STARD9: variants seen among roughly 807,000 people sequenced by gnomAD.
STARD9 encodes the protein stAR-related lipid transfer protein 9.
In STARD9, 346 loss-of-function variants were observed where a neutral mutation model predicts 399.8. That is an observed-to-expected ratio of 0.87 (90% CI 0.79 to 0.95). STARD9 has a LOEUF of 0.95. STARD9 is among the 40% of genes least tolerant of loss of function. STARD9 has a pLI of 0.00. For missense variants in STARD9, 5,832 were observed against 5,667.5 expected, an observed-to-expected ratio of 1.03 and a Z score of -0.93; for synonymous variants, 2,203 against 2,143.5, an observed-to-expected ratio of 1.03 and a Z score of -0.77.
At chr15:42,710,219 C>G (rs2061182966) in intron 26 of STARD9, among the ~76,000 whole-genome samples, 1 of 150,434 alleles carries the variant, frequency 6.6e-6, no homozygotes, top group Non-Finnish European at 1.5e-5. Flanking sequence ...ACCACCATGC[C>G]CGGGTACTTT....
intron 3 of STARD9, among the ~76,000 whole-genome samples, chr15:42,630,510 T>C (rs2059312484): frequency 1.3e-5 from 2 of 152,250 alleles, no homozygotes; most frequent in Middle Eastern, 3.4e-3. Flanking sequence ...TTAGTAGGAT[T>C]GGTATTAGTT....
intron 3 of STARD9, among the ~76,000 whole-genome samples, chr15:42,615,388 T>G (rs925147807): frequency 6.6e-5 from 10 of 152,166 alleles, no homozygotes; most frequent in African/African-American, 2.2e-4. Context: ...AATAGTTGAA[T>G]CAGTTTTGGT....
At position 42,687,454 on chromosome 15, in the gene STARD9, C is replaced by T. The variant is rs867228528; in HGVS notation, c.5876C>T (p.Pro1959Leu). 1 of 1,537,138 alleles carries T rather than the reference C, an allele frequency of 6.5e-7. No individual in the cohort carries two copies. The highest frequency in any genetic ancestry group is 2.0e-5 in the Admixed American group (1 of 50,996). Residue 1959 changes from proline to leucine, a missense_variant, in exon 23 of 33, where the codon CCA becomes CTA. Pro to Leu is a moderately conservative substitution (Grantham distance 98, BLOSUM62 -3). Coordinates refer to ENST00000290607, the MANE Select transcript of STARD9 (RefSeq NM_020759.3). Reference sequence around the variant, plus strand: ...TCAGTAGATCGTAGAGTAAGCAGCCCAGTGATGGTGGCCCAGGGTGGTGGC... The same window carrying T: ...TCAGTAGATCGTAGAGTAAGCAGCCTAGTGATGGTGGCCCAGGGTGGTGGC... The part of the protein sequence containing the change: ...SRSVDRRVSS[P>L]VMVAQGGGPT...
intron 3 of STARD9, among the ~76,000 whole-genome samples, chr15:42,633,668 G>A (rs988957594): frequency 6.1e-5 from 9 of 148,274 alleles, no homozygotes; most frequent in African/African-American, 2.2e-4. Flanking sequence ...TTTTGAGATG[G>A]AGTCTCACTC....
At position 42,684,227 on chromosome 15, in the gene STARD9, C is replaced by T; in HGVS notation, c.2649C>T (p.Tyr883=). Residue 883 remains tyrosine, a synonymous_variant, in exon 23 of 33, where the codon TAC becomes TAT. Transcript: ENST00000290607. ...AGCATTTGCCACAGGCTGCTTCCTA[C>T]CCTGCAAGGACAGGGTGCCTCCGCA... ...SEEHLPQAAS[Y]PARTGCLRKN... is the part of the protein sequence containing the mutation. 6.5e-7 allele frequency: 1 copy of T among 1,537,290 alleles called. No homozygotes were observed. The highest frequency in any genetic ancestry group is 8.7e-7 in the Non-Finnish European group (1 of 1,146,910).
chr15:42,718,272 G>A, intron 30 of STARD9, 93 bp downstream of exon 30: 1 of 1,324,696 alleles, frequency 7.5e-7, no homozygotes, highest in Non-Finnish European at 1.0e-6. Context: ...GTTGGAGGCA[G>A]CCCTCTTTGG....
Position 42,682,378 on chromosome 15 carries a change from G to T in STARD9, c.2340G>T (p.Arg780Ser). 1 of 1,537,238 alleles carries T rather than the reference G, an allele frequency of 6.5e-7. No homozygotes were observed. The highest frequency in any genetic ancestry group is 1.4e-5 in the African/African-American group (1 of 73,156). The change falls in exon 22 of 33, where the codon AGG becomes AGT. Residue 780 changes from arginine to serine, a missense_variant. By Grantham distance (110) the Arg-to-Ser change is moderately radical. Coordinates refer to ENST00000290607, the MANE Select transcript of STARD9 (RefSeq NM_020759.3). Reference sequence around the variant, plus strand: ...TAGAGAGAATCATCAAAAAGCAGAGGCTGCTGGAGGCCCAGAAGAGACTGG... The same window carrying T: ...TAGAGAGAATCATCAAAAAGCAGAGTCTGCTGGAGGCCCAGAAGAGACTGG... ...FQLERIIKKQ[R>S]LLEAQKRLEK... is the part of the protein sequence containing the mutation.
intron 3 of STARD9, among the ~76,000 whole-genome samples, chr15:42,623,712 G>A (rs1189553172): frequency 6.6e-6 from 1 of 151,990 alleles, no homozygotes; most frequent in African/African-American, 2.4e-5. Context: ...TTGTTCTTTG[G>A]GAACTGTTTA....
rs369566419 is a variant in STARD9, at chr15:42,638,773, C to A, written c.520C>A (p.Arg174=). ...QSGQKKSYTL[R]VREHPEMGPY... The stretch of plus-strand genomic sequence containing the variant: ...TGGTCAAAAAAAGTCCTATACCCTG[C>A]GGGTCAGGGAGCATCCAGAGATGGG... The change falls in exon 7 of 33, where the codon CGG becomes AGG. Residue 174 remains arginine, a synonymous_variant. Coordinates refer to ENST00000290607, the MANE Select transcript of STARD9 (RefSeq NM_020759.3). 5 of 1,535,714 alleles carry A rather than the reference C, an allele frequency of 3.3e-6. No homozygotes were observed. The highest frequency in any genetic ancestry group is 2.6e-6 in the Non-Finnish European group (3 of 1,145,876).
rs539540538 is a variant in STARD9 at position 42,616,711 on chromosome 15, G to A, written c.235-18145G>A. On this transcript the variant is annotated intron_variant, in intron 3 of 32. Transcript: ENST00000290607. ...TCGAGACCATCCTGGCTAACACGGT[G>A]AAACCCCATCTCTACTAAAAATACA... Among the ~76,000 whole-genome samples the A allele has an allele frequency of 3.9e-5, 6 of 152,048 alleles. No individual in the cohort carries two copies. In the East Asian group the frequency reaches 9.7e-4, roughly 25 times the overall value.
In STARD9 at chr15:42,687,195, G is replaced by T. The variant is rs1750221947; in HGVS notation, c.5617G>T (p.Val1873Leu). The change falls in exon 23 of 33, where the codon GTA becomes TTA. Residue 1873 changes from valine (V) to leucine (L), a missense_variant. Around this residue, in one of 2 missense-constraint regions of STARD9, gnomAD observed 5,828 missense variants for 5,651.1 expected, o/e 1.03. Transcript: ENST00000290607. ...TKVCEFENQV[V>L]ILNKKHSFPA... ...AGTATGTGAATTTGAAAACCAAGTT[G>T]TAATTTTAAATAAAAAACACAGTTT... 2 of 1,537,290 alleles carry T rather than the reference G, an allele frequency of 1.3e-6. No homozygotes were observed. Among genetic ancestry groups the T allele is most frequent in the African/African-American group, 1.4e-5 (1 of 73,044 alleles).
At chr15:42,614,342 A>C (rs943361308) in intron 3 of STARD9, among the ~76,000 whole-genome samples, 2 of 152,062 alleles carry the variant, frequency 1.3e-5, no homozygotes, top group Non-Finnish European at 2.9e-5. Flanking sequence ...TTTTAAGTGG[A>C]CAAGAAAAAG....
chr15:42,692,351 G>A lies in STARD9; in HGVS notation c.10773G>A (p.Arg3591=). The A allele has an allele frequency of 1.3e-6, 2 of 1,536,990 alleles. No individual in the cohort carries two copies. The highest frequency in any genetic ancestry group is 1.7e-6 in the Non-Finnish European group (2 of 1,146,888). ...GTCATGACAGAAGGCCTCAGTTCAG[G>A]GGCCCTTCTGGTGAAGCAGACTGTC... ...TSGHDRRPQF[R]GPSGEADCLR... Residue 3591 remains arginine (R), a synonymous_variant, in exon 23 of 33, where the codon AGG becomes AGA. Coordinates refer to ENST00000290607, the MANE Select transcript of STARD9 (RefSeq NM_020759.3).
At position 42,716,657 on chromosome 15, in the gene STARD9, G is replaced by C. The variant is rs1227298147; in HGVS notation, c.13285-20G>C. On this transcript the variant is annotated intron_variant, in intron 26 of 32. Coordinates refer to ENST00000290607, the MANE Select transcript of STARD9 (RefSeq NM_020759.3). ...TGTGCTTGCCTTCTGGCTCTGTCCT[G>C]AGTATCCTCTCTTCTGCAGGGGCAT... 2.0e-6 allele frequency: 3 copies of C among 1,481,932 alleles called. No individual in the cohort carries two copies. In the Admixed American group the frequency reaches 5.9e-5, roughly 29 times the overall value. 91.8% of individuals were successfully genotyped at this position (1,481,932 alleles called of 1,614,324 possible). A position where few individuals can be genotyped will look rare whatever the true frequency, so the allele number is the denominator to read the frequency against.
chr15:42,695,513 C>T (rs772753089), intron 25 of STARD9, among the ~76,000 whole-genome samples, 190 bp downstream of exon 25: 14 of 152,340 alleles, frequency 9.2e-5, no homozygotes, highest in South Asian at 4.1e-4. Flanking sequence ...CCCCAGGCCA[C>T]GGCCTGGGAG....
At position 42,691,242 on chromosome 15, in the gene STARD9, G is replaced by A. The variant is rs760494802; in HGVS notation, c.9664G>A (p.Gly3222Ser). 2 of 1,537,256 alleles carry A rather than the reference G, an allele frequency of 1.3e-6. No individual in the cohort carries two copies. The highest frequency in any genetic ancestry group is 1.2e-5 in the South Asian group (1 of 84,066). The stretch of plus-strand genomic sequence containing the variant: ...GCAGCACAGAGACCAGGCTTCAGGT[G>A]GTGGAGAAGGCTTCGCCCAGGGTGT... ...EEQHRDQASG[G>S]GEGFAQGVNP... Residue 3222 changes from glycine (G) to serine (S), a missense_variant, in exon 23 of 33, where the codon GGT becomes AGT. By Grantham distance (56) the Gly-to-Ser change is moderately conservative. Transcript: ENST00000290607.
rs201346447 is a variant in STARD9 at position 42,674,926 on chromosome 15, A to G, written c.1649A>G (p.Asn550Ser). 1,231 of 1,536,852 alleles carry G rather than the reference A, an allele frequency of 8.0e-4. 6 individuals carry two copies. Among genetic ancestry groups the G allele is most frequent in the Non-Finnish European group, 5.2e-4 (593 of 1,146,712 alleles). ...GCCCGTGGGGCCCGCTGTACAGTCA[A>G]TGGCCGGGAGGTCACTGCCTCCTGC... The part of the protein sequence containing the change: ...RPARGARCTV[N>S]GREVTASCRL... Residue 550 changes from asparagine to serine, a missense_variant, in exon 18 of 33, where the codon AAT becomes AGT. Coordinates refer to ENST00000290607, the MANE Select transcript of STARD9 (RefSeq NM_020759.3).
chr15:42,649,205 T>C (rs1186759264), intron 7 of STARD9, among the ~76,000 whole-genome samples: 1 of 152,152 alleles, frequency 6.6e-6, no homozygotes, highest in African/African-American at 2.4e-5. Flanking sequence ...GATTTTTGTA[T>C]TTTCATGAGA....
chr15:42,716,084 C>T (rs1463788562), intron 26 of STARD9, among the ~76,000 whole-genome samples: 1 of 152,026 alleles, frequency 6.6e-6, no homozygotes, highest in East Asian at 1.9e-4. Context: ...ATGGTGGGTG[C>T]CTGTGAGTTC....
Sources: allele counts gnomAD v4.1 joint callset (sites outside exome capture counted in the v4.1 genomes callset), GRCh38; gene constraint gnomAD v4.1.1; regional missense constraint gnomAD v4.1.1; transcripts MANE v1.5; gene names NCBI Gene and HGNC (gene_info 2026-07-23, HGNC 2026-07-21).